Variants in EPN2 observed in about 807,000 individuals in gnomAD.
The protein encoded by EPN2 is epsin-2.
A neutral mutation model predicts 61.7 loss-of-function variants in EPN2; 34 were observed. The observed-to-expected ratio is 0.55, with a 90% CI of 0.42 to 0.73. The LOEUF (loss-of-function observed/expected upper bound fraction) is 0.73, where lower values mean the gene tolerates loss of function less well. EPN2 is among the 30% of genes least tolerant of loss of function. EPN2 has a pLI of 0.00. For synonymous variants in EPN2, 349 were observed against 353.6 expected, an observed-to-expected ratio of 0.99 and a Z score of 0.15; for missense variants, 714 against 839.2, an observed-to-expected ratio of 0.85 and a Z score of 1.84.
chr17:19,313,266 C>T lies in EPN2; in HGVS notation c.1134C>T (p.Pro378=), dbSNP rs374508147. ...CGGCTCCTGCGAGTACTTCAGACCC[C>T]TGGCCATCGTTTGGTAAAGACCCCA... ...GPAAPASTSD[P]WPSFGTKPAA... The change falls in exon 7 of 11, where the codon CCC becomes CCT. Residue 378 remains proline, a synonymous_variant. Transcript: ENST00000314728. 2.7e-5 allele frequency: 41 copies of T among 1,545,184 alleles called. No individual in the cohort carries two copies. The African/African-American group carries it at 3.4e-4, about 13-fold the overall frequency.
chr17:19,252,686 C>T (rs1185219026), intron 1 of EPN2, among the ~76,000 whole-genome samples: 1 of 152,048 alleles, frequency 6.6e-6, no homozygotes, highest in African/African-American at 2.4e-5. Context: ...ATTATATTTA[C>T]ACAAAATCTT....
chr17:19,284,987 G>T (rs2045390789), intron 3 of EPN2, among the ~76,000 whole-genome samples: 1 of 152,210 alleles, frequency 6.6e-6, no homozygotes, highest in Admixed American at 6.5e-5. Context: ...ATCTCCAGAA[G>T]CCTCAATGCA....
At chr17:19,311,049 C>T (rs1341303882) in intron 5 of EPN2, among the ~76,000 whole-genome samples, 2 of 152,168 alleles carry the variant, frequency 1.3e-5, no homozygotes, top group East Asian at 3.8e-4. Flanking sequence ...GATTCCTCTC[C>T]TCTATTAGAA....
chr17:19,302,141 C>T (rs1757276413), intron 4 of EPN2, among the ~76,000 whole-genome samples: 1 of 152,254 alleles, frequency 6.6e-6, no homozygotes, highest in Non-Finnish European at 1.5e-5. Flanking sequence ...GGGACAGTCA[C>T]TGCACCCCTA....
intron 4 of EPN2, among the ~76,000 whole-genome samples, chr17:19,295,366 A>ACACGCGCGCGCGCGCGCGCGCG (rs147719775): frequency 7.1e-6 from 1 of 140,318 alleles, no homozygotes. Context: ...ACACACACAC[A>ACACGCGCGCGCGCGCGCGCGCG]CGCGCGTGCG....
intron 10 of EPN2, among the ~76,000 whole-genome samples, chr17:19,332,331 G>GC (rs892834229): frequency 2.0e-5 from 3 of 152,054 alleles, no homozygotes; most frequent in Non-Finnish European, 2.9e-5. Context: ...CTGACTTGGT[G>GC]CCCCCCCAGT....
At chr17:19,321,917 C>T (rs1413389388) in intron 7 of EPN2, among the ~76,000 whole-genome samples, 3 of 152,166 alleles carry the variant, frequency 2.0e-5, no homozygotes, top group African/African-American at 7.2e-5. Context: ...TTCCACCATG[C>T]CACTTACGTC....
chr17:19,311,653 G>A (rs542515835), intron 5 of EPN2, among the ~76,000 whole-genome samples: 4 of 152,272 alleles, frequency 2.6e-5, no homozygotes, highest in South Asian at 2.1e-4. Context: ...GGAATGATAC[G>A]TGATTTTTAT....
chr17:19,332,211 C>A, intron 10 of EPN2, 143 bp downstream of exon 10: 2 of 666,640 alleles, frequency 3.0e-6, no homozygotes, highest in East Asian at 2.7e-5. Context: ...TATGCCCTCG[C>A]CAGTGCTGCA....
rs1259880492 is a variant in EPN2, at chr17:19,295,358, A to G, written c.766+9568A>G. On this transcript the variant is annotated intron_variant, in intron 4 of 10. Coordinates refer to ENST00000314728, the MANE Select transcript of EPN2 (RefSeq NM_014964.5). ...ATTAAAAATACACACACACACACAC[A>G]CACACACACGCGCGTGCGCGCAAAA... Among the ~76,000 whole-genome samples the G allele has an allele frequency of 4.0e-3, 267 of 66,730 alleles. 2 individuals are homozygous for G. The highest frequency in any genetic ancestry group is 0.011 in the East Asian group (36 of 3,388). 43.8% of individuals were successfully genotyped at this position (66,730 alleles called of 152,430 possible).
At chr17:19,327,588 G>T (rs776042444) in intron 7 of EPN2, among the ~76,000 whole-genome samples, 1 of 152,054 alleles carries the variant, frequency 6.6e-6, no homozygotes, top group Non-Finnish European at 1.5e-5. Context: ...TGGGAGGATC[G>T]CTTGAGCATG....
At chr17:19,313,468 C>T in intron 7 of EPN2, 189 bp downstream of exon 7, 3 of 458,698 alleles carry the variant, frequency 6.5e-6, no homozygotes, top group Middle Eastern at 3.0e-4. Context: ...ATGGTGTTCC[C>T]TCTTTGTTTT....
chr17:19,303,607 T>G (rs1905652281), intron 4 of EPN2, among the ~76,000 whole-genome samples: 1 of 152,184 alleles, frequency 6.6e-6, no homozygotes, highest in South Asian at 2.1e-4. Flanking sequence ...GGGTATGACG[T>G]CACCTGACAG....
At chr17:19,273,869 A>ATAG (rs771500464) in intron 1 of EPN2, among the ~76,000 whole-genome samples, 8 of 150,110 alleles carry the variant, frequency 5.3e-5, no homozygotes, top group Non-Finnish European at 1.0e-4. Context: ...AAACAGAGTC[A>ATAG]TAATAGTCTT....
rs2045397756 is a variant in EPN2 at position 19,285,713 on chromosome 17, T to TGCC, written c.692_694dup (p.Pro231dup). ...CCACTGAGCCAGCGCCACCCCTTCC[T>TGCC]GCCGCACCTGGGGCTGGCCTCCCGC... On this transcript the variant is annotated inframe_insertion, in exon 4 of 11. Coordinates refer to ENST00000314728, the MANE Select transcript of EPN2 (RefSeq NM_014964.5). The surrounding 1 kb of genome is among the most constrained non-coding windows in gnomAD (Gnocchi z 4.5). 6.2e-7 allele frequency: 1 copy of TGCC among 1,604,670 alleles called. No homozygotes were observed. Among genetic ancestry groups the TGCC allele is most frequent in the Admixed American group, 1.7e-5 (1 of 59,284 alleles).
chr17:19,311,417 C>T (rs1906132313), intron 5 of EPN2, among the ~76,000 whole-genome samples: 1 of 152,060 alleles, frequency 6.6e-6, no homozygotes, highest in East Asian at 1.9e-4. Flanking sequence ...TGAATAGCTA[C>T]TGTGTAGCAG....
chr17:19,261,683 T>C (rs868076525), intron 1 of EPN2, among the ~76,000 whole-genome samples: 1 of 152,244 alleles, frequency 6.6e-6, no homozygotes, highest in African/African-American at 2.4e-5. Flanking sequence ...TATGAACTTA[T>C]GATAGCGTGG....
chr17:19,280,001 G>C (rs4924969), intron 1 of EPN2: 6,069 of 151,994 alleles, frequency 0.04, 521 homozygotes, highest in East Asian at 0.27. Flanking sequence ...CCACACTCAG[G>C]TAATTTTTTG....
chr17:19,296,620 ATTTGT>A (rs1268596502), intron 4 of EPN2: 2 of 151,968 alleles, frequency 1.3e-5, no homozygotes, highest in African/African-American at 4.8e-5. Flanking sequence ...ATTTTTATTT[ATTTGT>A]TTTGAGACAG....
Sources: gnomAD v4.1 joint callset for allele counts (sites outside exome capture counted in the v4.1 genomes callset) on GRCh38, gnomAD v4.1.1 for gene constraint, Gnocchi (gnomAD v3.1) non-coding constraint, MANE v1.5 for transcripts, NCBI Gene and HGNC (gene_info 2026-07-23, HGNC 2026-07-21) for gene names.